TSGA10: variants seen among roughly 807,000 people sequenced by gnomAD.
TSGA10 encodes the protein testis-specific gene 10 protein.
In TSGA10, 43 loss-of-function variants were observed where a neutral mutation model predicts 96.6. That is an observed-to-expected ratio of 0.44 (90% CI 0.35 to 0.57). TSGA10 has a LOEUF of 0.57. TSGA10 is among the 20% of genes least tolerant of loss of function. The pLI is 0.01. For missense variants in TSGA10, 703 were observed against 834.4 expected (o/e 0.84, Z 1.94); for synonymous variants, 229 against 269.9 (o/e 0.85, Z 1.48).
intron 12 of TSGA10, among the ~76,000 whole-genome samples, chr2:99,074,348 T>TTGTGTGTGTGTG: frequency 1.2e-5 from 1 of 86,956 alleles, no homozygotes; most frequent in African/African-American, 7.1e-5. Context: ...TTACACATAT[T>TTGTGTGTGTGTG]TGCGTGTGTG....
chr2:99,031,908 T>G (rs1188327523), intron 17 of TSGA10, among the ~76,000 whole-genome samples: 1 of 152,176 alleles, frequency 6.6e-6, no homozygotes, highest in Non-Finnish European at 1.5e-5. Context: ...GAGGCACTGA[T>G]CTTAGCTCTG....
chr2:99,082,466 G>A (rs189482011), intron 10 of TSGA10, among the ~76,000 whole-genome samples: 35 of 151,884 alleles, frequency 2.3e-4, no homozygotes, highest in Non-Finnish European at 3.5e-4. Context: ...TTTGGCCGCC[G>A]GCTTAATAAA....
At chr2:99,133,272 A>T (rs547491914) in intron 1 of TSGA10, among the ~76,000 whole-genome samples, 3 of 152,226 alleles carry the variant, frequency 2.0e-5, no homozygotes, top group African/African-American at 7.2e-5. Flanking sequence ...GGTGCCCTGT[A>T]TTGGGTGCAT....
chr2:99,100,708 TGC>T (rs1206180431), intron 10 of TSGA10, among the ~76,000 whole-genome samples: 13 of 148,278 alleles, frequency 8.8e-5, no homozygotes, highest in South Asian at 2.1e-4. Flanking sequence ...TAGTCCCAGC[TGC>T]TCAGGAGGCT....
intron 10 of TSGA10, among the ~76,000 whole-genome samples, chr2:99,093,946 G>A (rs192264886): frequency 3.9e-5 from 6 of 152,070 alleles, no homozygotes; most frequent in African/African-American, 1.4e-4. Context: ...CATAGCCAAG[G>A]CAAGACTAAG....
intron 20 of TSGA10, among the ~76,000 whole-genome samples, chr2:99,000,503 T>A: frequency 7.1e-6 from 1 of 141,540 alleles, no homozygotes; most frequent in African/African-American, 2.6e-5. Flanking sequence ...AGAGTGAAAC[T>A]CTGACTTAAA....
intron 16 of TSGA10, among the ~76,000 whole-genome samples, chr2:99,051,863 T>C (rs1039712091): frequency 1.3e-5 from 2 of 151,700 alleles, no homozygotes; most frequent in Non-Finnish European, 1.5e-5. Context: ...AAATAAAAAA[T>C]ATAGTCCAAA....
At chr2:99,100,023 CA>C (rs1344005814) in intron 10 of TSGA10, among the ~76,000 whole-genome samples, 3 of 151,992 alleles carry the variant, frequency 2.0e-5, no homozygotes, top group Non-Finnish European at 2.9e-5. Context: ...CATTATAGAG[CA>C]AAACTGAAAA....
intron 10 of TSGA10, among the ~76,000 whole-genome samples, chr2:99,097,348 C>A (rs2090170901): frequency 6.6e-6 from 1 of 151,840 alleles, no homozygotes; most frequent in Non-Finnish European, 1.5e-5. Context: ...GAATGAAGGG[C>A]AATGAAAAGA....
intron 10 of TSGA10, 21 bp downstream of exon 10, chr2:99,103,946 T>A: frequency 2.5e-6 from 4 of 1,612,700 alleles, no homozygotes; most frequent in Non-Finnish European, 3.4e-6. Flanking sequence ...CTGTTGGTTG[T>A]TTAAAGGTGA....
At chr2:99,129,585 A>G (rs1398432553) in intron 1 of TSGA10, among the ~76,000 whole-genome samples, 2 of 152,122 alleles carry the variant, frequency 1.3e-5, no homozygotes, top group Non-Finnish European at 2.9e-5. Flanking sequence ...TCACTAGAGG[A>G]AAGACACATC....
At chr2:99,033,187 T>A (rs776983608) in intron 17 of TSGA10, among the ~76,000 whole-genome samples, 1 of 152,200 alleles carries the variant, frequency 6.6e-6, no homozygotes, top group African/African-American at 2.4e-5. Flanking sequence ...ATGCTGGCTA[T>A]CCAAAAAATG....
intron 1 of TSGA10, among the ~76,000 whole-genome samples, chr2:99,147,873 G>A (rs1329277097): frequency 6.6e-6 from 1 of 152,108 alleles, no homozygotes; most frequent in African/African-American, 2.4e-5. Flanking sequence ...ATTTCAGTAT[G>A]TATTTCCTAA....
intron 20 of TSGA10, among the ~76,000 whole-genome samples, chr2:99,012,571 AAAAAAG>A (rs1373140701): frequency 2.0e-5 from 3 of 152,220 alleles, no homozygotes; most frequent in Non-Finnish European, 2.9e-5. Context: ...ACATCAGTAA[AAAAAAG>A]AAAAAGAGGG....
chr2:99,141,063 C>T lies in TSGA10; in HGVS notation c.-621+13630G>A, dbSNP rs577070781. 7.2e-4 allele frequency: 915 copies of T among 1,276,422 alleles called. 6 individuals carry two copies. In the African/African-American group the frequency reaches 9.4e-3, roughly 13 times the overall value. 79.1% of individuals were successfully genotyped at this position (1,276,422 alleles called of 1,614,324 possible). ...CAGTAGCAGCACTCTCCCCACCCCG[C>T]GCACCTCCGCAGCTTCTACCTGGAG... On this transcript the variant is annotated intron_variant, in intron 1 of 20. Transcript: ENST00000393483.
intron 20 of TSGA10, among the ~76,000 whole-genome samples, chr2:99,015,127 C>T (rs2079391288): frequency 6.6e-6 from 1 of 152,148 alleles, no homozygotes; most frequent in African/African-American, 2.4e-5. Context: ...GGAATCCTCC[C>T]TAAATCATCC....
At chr2:99,084,968 C>T (rs1458683313) in intron 10 of TSGA10, among the ~76,000 whole-genome samples, 2 of 151,580 alleles carry the variant, frequency 1.3e-5, no homozygotes, top group African/African-American at 2.4e-5. Flanking sequence ...TAAGTGCATC[C>T]AGGCCGGGAG....
chr2:99,053,807 C>T (rs1316113285), intron 16 of TSGA10, among the ~76,000 whole-genome samples: 1 of 151,952 alleles, frequency 6.6e-6, no homozygotes, highest in East Asian at 1.9e-4. Context: ...AAAACAATCC[C>T]ATTTATAATA....
intron 16 of TSGA10, among the ~76,000 whole-genome samples, chr2:99,037,804 C>T (rs1197654594): frequency 2.0e-5 from 3 of 151,982 alleles, no homozygotes; most frequent in Non-Finnish European, 2.9e-5. Context: ...GAGCTGGGAT[C>T]GCGCCATTGC....
Sources: allele counts gnomAD v4.1 joint callset (sites outside exome capture counted in the v4.1 genomes callset), GRCh38; gene constraint gnomAD v4.1.1; transcripts MANE v1.5; gene names NCBI Gene and HGNC (gene_info 2026-07-23, HGNC 2026-07-21).